Variants in FYN observed in about 807,000 individuals in gnomAD.
FYN encodes FYN proto-oncogene, Src family tyrosine kinase.
FYN carries 10 observed loss-of-function variants against 70.2 expected under a neutral mutation model. The ratio of observed to expected loss-of-function variants is 0.14; its 90% CI spans 0.09 to 0.24. The LOEUF is 0.24. Ranked by LOEUF, FYN falls within the 10% of genes least tolerant of loss-of-function variation. The pLI, the probability that FYN is intolerant of heterozygous loss-of-function variation, is 1.00. For synonymous variants in FYN, 236 were observed against 248.6 expected (o/e 0.95, Z 0.48); for missense variants, 319 against 673.1 (o/e 0.47, Z 5.82).
intron 3 of FYN, among the ~76,000 whole-genome samples, chr6:111,736,337 T>C (rs1383872610): frequency 6.6e-6 from 1 of 152,210 alleles, no homozygotes; most frequent in Non-Finnish European, 1.5e-5. Context: ...GAAGGCAGCT[T>C]ATTTTTTCAG....
chr6:111,826,811 C>T (rs920459118), intron 2 of FYN, among the ~76,000 whole-genome samples: 1 of 152,194 alleles, frequency 6.6e-6, no homozygotes, highest in Non-Finnish European at 1.5e-5. Flanking sequence ...AGGCCATGTA[C>T]CGAAAACAGT....
chr6:111,806,604 C>T (rs1012405677), intron 2 of FYN, among the ~76,000 whole-genome samples: 3 of 152,146 alleles, frequency 2.0e-5, no homozygotes, highest in Non-Finnish European at 4.4e-5. Context: ...GCAGAGTGAC[C>T]CTCATAGGAC....
Position 111,708,110 on chromosome 6 carries a change from C to T in FYN, c.345-90G>A, listed in dbSNP as rs1396938291. 6.5e-6 allele frequency: 6 copies of T among 920,338 alleles called. No homozygotes were observed. The East Asian group carries it at 1.5e-4, about 23-fold the overall frequency. 57.0% of individuals were successfully genotyped at this position (920,338 alleles called of 1,614,324 possible). On this transcript the variant is annotated intron_variant, in intron 5 of 13. Coordinates refer to ENST00000354650, the MANE Select transcript of FYN (RefSeq NM_002037.5). The stretch of plus-strand genomic sequence containing the variant: ...GTGGTCTGAAGTGTATAACTGTCAC[C>T]TAATCATCCTGCCACCCGATTTCTC...
chr6:111,726,948 T>C (rs1801217141), intron 3 of FYN, among the ~76,000 whole-genome samples: 6 of 152,210 alleles, frequency 3.9e-5, no homozygotes, highest in Admixed American at 3.9e-4. Context: ...TGCCTGCTTC[T>C]CCTTTGCCTT....
Position 111,714,351 on chromosome 6 carries a change from T to C in FYN, c.340A>G (p.Ser114Gly), listed in dbSNP as rs1314045748. Residue 114 changes from serine to glycine, a missense_variant, in exon 5 of 14, where the codon AGC (serine) becomes GGC (glycine). Coordinates refer to ENST00000354650, the MANE Select transcript of FYN (RefSeq NM_002037.5). ...HKGEKFQILN[S>G]SEGDWWEARS... ...CTCCTCCCTCTCCAAACTTACGAGCTGTTCAATATTTGAAATTTTTCTCCT... is the reference window on the plus strand; with the variant it reads ...CTCCTCCCTCTCCAAACTTACGAGCCGTTCAATATTTGAAATTTTTCTCCT... 2 of 1,610,610 alleles carry C rather than the reference T, an allele frequency of 1.2e-6. No individual in the cohort carries two copies.
At chr6:111,742,955 C>T (rs1057316046) in intron 3 of FYN, among the ~76,000 whole-genome samples, 3 of 149,286 alleles carry the variant, frequency 2.0e-5, no homozygotes, top group African/African-American at 7.3e-5. Context: ...CACAAAGGGG[C>T]TTGATAAGAA....
chr6:111,803,012 A>C (rs1446048232), intron 2 of FYN, among the ~76,000 whole-genome samples: 4 of 152,204 alleles, frequency 2.6e-5, no homozygotes, highest in Non-Finnish European at 4.4e-5. Context: ...TCTAAGGGAG[A>C]AAAATGGAAA....
intron 13 of FYN, among the ~76,000 whole-genome samples, chr6:111,672,541 G>C (rs1279609225): frequency 1.3e-5 from 2 of 152,220 alleles, no homozygotes; most frequent in African/African-American, 2.4e-5. Flanking sequence ...GTAAAGCCAA[G>C]TAGTCCATCC....
intron 2 of FYN, among the ~76,000 whole-genome samples, chr6:111,825,170 C>T (rs543298249): frequency 6.6e-6 from 1 of 152,314 alleles, no homozygotes; most frequent in African/African-American, 2.4e-5. Context: ...TCCATGGTCC[C>T]GAACAAGACA....
intron 2 of FYN, among the ~76,000 whole-genome samples, chr6:111,821,167 C>T (rs944105030): frequency 2.0e-5 from 3 of 152,028 alleles, no homozygotes; most frequent in African/African-American, 7.2e-5. Context: ...AAAGAGCCCG[C>T]ATTGCCAAGT....
At chr6:111,870,741 A>T (rs781208959) in intron 1 of FYN, among the ~76,000 whole-genome samples, 1 of 152,196 alleles carries the variant, frequency 6.6e-6, no homozygotes. Flanking sequence ...CTGGGCCCCA[A>T]AGGTTAAAAA....
At position 111,691,775 on chromosome 6, in the gene FYN, C is replaced by A. The variant is rs528829146; in HGVS notation, c.1273+2600G>T. Among the ~76,000 whole-genome samples the A allele has an allele frequency of 3.3e-5, 5 of 152,326 alleles. No individual in the cohort carries two copies. In the South Asian group the frequency reaches 1.0e-3, roughly 32 times the overall value. On this transcript the variant is annotated intron_variant, in intron 12 of 13. Transcript: ENST00000354650. ...GGAAAAGGGATGTATGACTAATCCT[C>A]TCTATCTTTATTTTCTGTTCTTTTG...
intron 2 of FYN, among the ~76,000 whole-genome samples, chr6:111,835,150 T>G (rs1002673927): frequency 9.2e-5 from 14 of 152,220 alleles, no homozygotes; most frequent in Non-Finnish European, 1.5e-5. Context: ...CAAAGGCAAG[T>G]GAATTCAGCT....
intron 13 of FYN, among the ~76,000 whole-genome samples, chr6:111,665,223 T>C (rs1301698903): frequency 2.0e-5 from 3 of 152,238 alleles, no homozygotes; most frequent in Non-Finnish European, 4.4e-5. Context: ...GTTATGTCAG[T>C]GCTCAAGAAG....
intron 2 of FYN, among the ~76,000 whole-genome samples, chr6:111,801,840 T>C (rs1771995614): frequency 6.6e-6 from 1 of 152,152 alleles, no homozygotes; most frequent in South Asian, 2.1e-4. Context: ...TTTGCCTCCA[T>C]CTCAGCTCCC....
chr6:111,762,413 G>C (rs768348598), intron 3 of FYN, among the ~76,000 whole-genome samples: 1 of 152,168 alleles, frequency 6.6e-6, no homozygotes, highest in Non-Finnish European at 1.5e-5. Context: ...TGGAAAACTA[G>C]TTCAGGCCAT....
chr6:111,854,536 A>G, intron 1 of FYN, among the ~76,000 whole-genome samples: 1 of 152,216 alleles, frequency 6.6e-6, no homozygotes, highest in East Asian at 1.9e-4. Context: ...AATGGAAAAC[A>G]CAGAAAGTTA....
chr6:111,699,852 T>C (rs1000250486), intron 9 of FYN: 5 of 692,756 alleles, frequency 7.2e-6, no homozygotes, highest in Non-Finnish European at 1.1e-5. Flanking sequence ...TGCTGGTTTA[T>C]GAATTGAGAG....
intron 3 of FYN, among the ~76,000 whole-genome samples, chr6:111,750,624 G>C (rs888163103): frequency 2.6e-5 from 4 of 151,856 alleles, no homozygotes; most frequent in Admixed American, 6.6e-5. Flanking sequence ...AGGGATGCAG[G>C]CTCTTCCTCT....
Sources: allele counts gnomAD v4.1 joint callset (sites outside exome capture counted in the v4.1 genomes callset), GRCh38; gene constraint gnomAD v4.1.1; transcripts MANE v1.5; gene names NCBI Gene and HGNC (gene_info 2026-07-23, HGNC 2026-07-21).